The following CTXND2 variants were observed in gnomAD, a reference collection of about 807,000 sequenced individuals.
CTXND2 encodes the protein cortexin domain containing 2.
chr1:150,890,882 T>G (rs587678839), intron 1 of CTXND2, among the ~76,000 whole-genome samples: 2 of 152,310 alleles, frequency 1.3e-5, no homozygotes, highest in East Asian at 3.9e-4. Flanking sequence ...TCCAGAAAGC[T>G]TCAATGCTTC....
chr1:150,888,387 G>A (rs1016073241), intron 1 of CTXND2, among the ~76,000 whole-genome samples: 14 of 151,466 alleles, frequency 9.2e-5, no homozygotes, highest in African/African-American at 2.4e-4. Context: ...CTAATTTTTT[G>A]TACTTTTTAG....
At chr1:150,909,683 T>C (rs1351053967) in intron 1 of CTXND2, among the ~76,000 whole-genome samples, 2 of 152,208 alleles carry the variant, frequency 1.3e-5, no homozygotes, top group Non-Finnish European at 1.5e-5. Context: ...TCTTTGTATG[T>C]GGTGTGAAAT....
chr1:150,900,507 C>A (rs191765368), intron 1 of CTXND2, among the ~76,000 whole-genome samples: 2 of 152,088 alleles, frequency 1.3e-5, no homozygotes, highest in Non-Finnish European at 2.9e-5. Context: ...AACCAATTCT[C>A]GACACAATGG....
chr1:150,890,606 C>A (rs587622930), intron 1 of CTXND2, among the ~76,000 whole-genome samples: 15 of 152,212 alleles, frequency 9.9e-5, no homozygotes, highest in African/African-American at 3.6e-4. Context: ...CGGGTTCAAG[C>A]GATTATCCTG....
At chr1:150,892,268 TG>T (rs1475798514) in intron 1 of CTXND2, among the ~76,000 whole-genome samples, 1 of 152,180 alleles carries the variant, frequency 6.6e-6, no homozygotes. Flanking sequence ...TATAACTAAA[TG>T]CAATTTTTAA....
At chr1:150,897,627 A>G (rs1032820075) in intron 1 of CTXND2, among the ~76,000 whole-genome samples, 2 of 152,184 alleles carry the variant, frequency 1.3e-5, no homozygotes, top group Non-Finnish European at 2.9e-5. Context: ...CCAGCCTCCA[A>G]AAGGATATTA....
intron 1 of CTXND2, among the ~76,000 whole-genome samples, chr1:150,909,717 G>A (rs893326496): frequency 2.0e-5 from 3 of 151,968 alleles, no homozygotes; most frequent in African/African-American, 7.3e-5. Flanking sequence ...CCAGGAGTTC[G>A]GTCTAGGTCC....
chr1:150,900,755 G>A (rs753856782), intron 1 of CTXND2, among the ~76,000 whole-genome samples: 1 of 152,108 alleles, frequency 6.6e-6, no homozygotes, highest in Non-Finnish European at 1.5e-5. Flanking sequence ...TAAAAATCGA[G>A]GGGAGAAGGA....
intron 1 of CTXND2, among the ~76,000 whole-genome samples, chr1:150,899,121 TAAATAAATAAACAAAC>T (rs1255001794): frequency 6.9e-6 from 1 of 144,926 alleles, no homozygotes; most frequent in Non-Finnish European, 1.5e-5. Flanking sequence ...AATAAATAAA[TAAATAAATAAACAAAC>T]AAACAATAAT....
chr1:150,890,249 C>A (rs587649362), intron 1 of CTXND2, among the ~76,000 whole-genome samples: 1 of 150,016 alleles, frequency 6.7e-6, no homozygotes, highest in South Asian at 2.1e-4. Context: ...ATTACTGAAA[C>A]TCTTGTGTAT....
At chr1:150,901,924 TAAA>T (rs199515058) in intron 1 of CTXND2, among the ~76,000 whole-genome samples, 2 of 142,078 alleles carry the variant, frequency 1.4e-5, no homozygotes, top group African/African-American at 2.6e-5. Context: ...AGATTCCATC[TAAA>T]AAAAAAAAAA....
At chr1:150,893,781 C>T (rs1251926859) in intron 1 of CTXND2, among the ~76,000 whole-genome samples, 1 of 151,896 alleles carries the variant, frequency 6.6e-6, no homozygotes, top group Non-Finnish European at 1.5e-5. Flanking sequence ...ATGGATACCC[C>T]CACTTATGCC....
exon 2 of CTXND2, chr1:150,912,809 A>C: frequency 5.2e-6 from 1 of 192,746 alleles, no homozygotes; most frequent in African/African-American, 2.3e-5. Flanking sequence ...CTAGAAGCTC[A>C]CCTAGAGGTG....
chr1:150,910,995 G>A (rs191239815), intron 1 of CTXND2, among the ~76,000 whole-genome samples: 14 of 152,048 alleles, frequency 9.2e-5, no homozygotes, highest in African/African-American at 2.9e-4. Context: ...TAGTAGAGAC[G>A]GGGTTTTACC....
intron 1 of CTXND2, among the ~76,000 whole-genome samples, chr1:150,890,494 TTTTA>T (rs587751897): frequency 7.2e-5 from 11 of 152,138 alleles, no homozygotes; most frequent in South Asian, 2.1e-4. Flanking sequence ...CAATGTGAGA[TTTTA>T]TTTATTTATT....
intron 1 of CTXND2, among the ~76,000 whole-genome samples, chr1:150,899,935 A>C (rs1557999919): frequency 6.6e-6 from 1 of 152,126 alleles, no homozygotes; most frequent in African/African-American, 2.4e-5. Context: ...CTAGCTAAAG[A>C]TCTGTAAACG....
chr1:150,912,418 G>T, exon 2 of CTXND2: 1 of 398,548 alleles, frequency 2.5e-6, no homozygotes. Flanking sequence ...ATTTTTCGGT[G>T]TGCCAAGCTG....
At chr1:150,897,270 A>G (rs1257017444) in intron 1 of CTXND2, among the ~76,000 whole-genome samples, 1 of 152,206 alleles carries the variant, frequency 6.6e-6, no homozygotes, top group East Asian at 1.9e-4. Context: ...CTGGCATTTG[A>G]TGGCCTGGAG....
chr1:150,899,712 C>CT (rs1402659880), intron 1 of CTXND2, among the ~76,000 whole-genome samples: 2 of 152,110 alleles, frequency 1.3e-5, no homozygotes, highest in Non-Finnish European at 2.9e-5. Flanking sequence ...AATCCCAACA[C>CT]TTTGGGAGGC....
Sources: gnomAD v4.1 joint callset for allele counts (sites outside exome capture counted in the v4.1 genomes callset) on GRCh38, gnomAD v4.1.1 for gene constraint, MANE v1.5 for transcripts, NCBI Gene and HGNC (gene_info 2026-07-23, HGNC 2026-07-21) for gene names.